Variants in SDHAF3 observed in about 807,000 individuals in gnomAD.
SDHAF3 encodes succinate dehydrogenase complex assembly factor 3.
In SDHAF3, 18 loss-of-function variants were observed where a neutral mutation model predicts 11.5. The observed-to-expected ratio is 1.56, with a 90% CI of 1.08 to 2.32. The LOEUF is 2.32. Ranked by LOEUF, SDHAF3 falls within the 30% of genes most tolerant of loss-of-function variation. The pLI is 0.00. For missense variants in SDHAF3, 200 were observed against 154.4 expected (o/e 1.30, Z -1.57); for synonymous variants, 72 against 59.3 (o/e 1.21, Z -0.99).
chr7:97,142,287 T>G (rs1016048331), intron 1 of SDHAF3, among the ~76,000 whole-genome samples: 31 of 151,986 alleles, frequency 2.0e-4, no homozygotes, highest in Non-Finnish European at 4.3e-4. Flanking sequence ...ACTCCTGACC[T>G]CGTGATCTGC....
intron 1 of SDHAF3, among the ~76,000 whole-genome samples, chr7:97,168,658 T>TCTAA (rs1267921962): frequency 5.9e-5 from 9 of 152,162 alleles, no homozygotes; most frequent in Non-Finnish European, 1.0e-4. Context: ...TGACACCTGC[T>TCTAA]CTAACTTCTT....
chr7:97,169,587 A>G (rs141238405), intron 1 of SDHAF3, among the ~76,000 whole-genome samples: 213 of 152,230 alleles, frequency 1.4e-3, no homozygotes, highest in African/African-American at 5.0e-3. Context: ...AACAGATTAC[A>G]TCAAAATAGA....
chr7:97,155,996 G>T (rs562969083), intron 1 of SDHAF3, among the ~76,000 whole-genome samples: 1 of 152,010 alleles, frequency 6.6e-6, no homozygotes, highest in African/African-American at 2.4e-5. Context: ...AGTATGGTAC[G>T]TGTGTCATAA....
chr7:97,180,886 C>T (rs957038728), intron 1 of SDHAF3, 126 bp from the exon 2 acceptor site: 1 of 745,778 alleles, frequency 1.3e-6, no homozygotes, highest in South Asian at 2.1e-5. Flanking sequence ...TTTATATCTC[C>T]TTAACCAAAT....
intron 1 of SDHAF3, among the ~76,000 whole-genome samples, chr7:97,165,357 C>CTTTTTTTTTTTTTTTTTTTTTTT (rs10653828): frequency 3.9e-5 from 3 of 77,024 alleles, no homozygotes; most frequent in Non-Finnish European, 7.1e-5. Context: ...ATTTTCCTAC[C>CTTTTTTTTTTTTTTTTTTTTTTT]TTTTTTTTTT....
At chr7:97,166,369 G>C (rs1789504606) in intron 1 of SDHAF3, among the ~76,000 whole-genome samples, 1 of 152,154 alleles carries the variant, frequency 6.6e-6, no homozygotes, top group Non-Finnish European at 1.5e-5. Flanking sequence ...AAATTGGGGA[G>C]GGTGGGAGTT....
chr7:97,146,079 G>C (rs1789129600), intron 1 of SDHAF3, among the ~76,000 whole-genome samples: 1 of 150,350 alleles, frequency 6.7e-6, no homozygotes, highest in Non-Finnish European at 1.5e-5. Flanking sequence ...TAAAAATAGA[G>C]ATTTGGAAAT....
intron 1 of SDHAF3, among the ~76,000 whole-genome samples, chr7:97,157,343 A>G (rs1475955354): frequency 6.6e-6 from 1 of 152,174 alleles, no homozygotes; most frequent in East Asian, 1.9e-4. Context: ...TGGGTTGTAT[A>G]TTGGAATTCC....
chr7:97,138,593 AGC>A (rs75973891), intron 1 of SDHAF3, among the ~76,000 whole-genome samples: 16,288 of 152,252 alleles, frequency 0.11, 876 homozygotes, highest in Middle Eastern at 0.16. Context: ...ATTAACATCT[AGC>A]CACTTACTCT....
At chr7:97,148,013 C>T (rs1385249543) in intron 1 of SDHAF3, among the ~76,000 whole-genome samples, 1 of 152,072 alleles carries the variant, frequency 6.6e-6, no homozygotes, top group African/African-American at 2.4e-5. Context: ...AAGCAATTCT[C>T]ATACCTCAGC....
chr7:97,171,582 A>G (rs10499935), intron 1 of SDHAF3, among the ~76,000 whole-genome samples: 4,996 of 152,160 alleles, frequency 0.033, 255 homozygotes, highest in African/African-American at 0.11. Context: ...GGGACATGTC[A>G]TATAGTTTGG....
At chr7:97,124,425 C>T (rs371062556) in intron 1 of SDHAF3, among the ~76,000 whole-genome samples, 7 of 152,054 alleles carry the variant, frequency 4.6e-5, no homozygotes, top group Non-Finnish European at 8.8e-5. Flanking sequence ...AGTCAGGTAG[C>T]GTGATGCCTT....
At chr7:97,135,212 A>G (rs1462845760) in intron 1 of SDHAF3, 1 of 152,118 alleles carries the variant, frequency 6.6e-6, no homozygotes, top group East Asian at 1.9e-4. Flanking sequence ...AGGGTACTCT[A>G]CATCATACCT....
intron 1 of SDHAF3, among the ~76,000 whole-genome samples, chr7:97,153,582 G>T (rs192115169): frequency 6.6e-6 from 1 of 152,216 alleles, no homozygotes; most frequent in Admixed American, 6.5e-5. Flanking sequence ...GCAATTGCTG[G>T]ATCATATGGT....
chr7:97,148,516 G>A (rs921308351), intron 1 of SDHAF3, among the ~76,000 whole-genome samples: 5 of 152,072 alleles, frequency 3.3e-5, no homozygotes, highest in Admixed American at 1.3e-4. Context: ...CAGCCTGGGC[G>A]AAAAAGCAAG....
At position 97,147,021 on chromosome 7, in the gene SDHAF3, G is replaced by A. The variant is rs187936310; in HGVS notation, c.174+29124G>A. ...CTTCCAAAGTGCTGGGATTACAGGC[G>A]TGAGCCACTGCGCCCGGCCAATAGG... is the stretch of plus-strand genomic sequence containing the variant. On this transcript the variant is annotated intron_variant, in intron 1 of 1. Transcript: ENST00000432641. Among the ~76,000 whole-genome samples the A allele has an allele frequency of 1.0e-3, 155 of 152,038 alleles. 1 individual carries two copies. Among genetic ancestry groups the A allele is most frequent in the African/African-American group, 3.1e-3 (130 of 41,372 alleles).
chr7:97,163,898 C>T (rs2115723590), intron 1 of SDHAF3, among the ~76,000 whole-genome samples: 1 of 152,058 alleles, frequency 6.6e-6, no homozygotes, highest in South Asian at 2.1e-4. Context: ...TTTTATTTCT[C>T]CTCCACTTAC....
Position 97,160,254 on chromosome 7 carries a change from G to A in SDHAF3, c.175-20758G>A, listed in dbSNP as rs376665502. 2.3e-3 allele frequency among the ~76,000 whole-genome samples: 318 copies of A among 140,722 alleles called. 4 individuals are homozygous for A. The highest frequency in any genetic ancestry group is 0.022 in the South Asian group (93 of 4,288). The allele number at this position is 140,722 out of a possible 152,430, so 92.3% of individuals were successfully genotyped here. A position where few individuals can be genotyped will look rare whatever the true frequency, so the allele number is the denominator to read the frequency against. On this transcript the variant is annotated intron_variant, in intron 1 of 1. Coordinates refer to ENST00000432641, the MANE Select transcript of SDHAF3 (RefSeq NM_020186.3). ...TGGGAAGTGAGGAGCGCCCCTGCCC[G>A]GCCGCCCTGTCTGGGAAGTGAGGAG...
At chr7:97,170,648 C>T (rs997336679) in intron 1 of SDHAF3, among the ~76,000 whole-genome samples, 4 of 152,216 alleles carry the variant, frequency 2.6e-5, no homozygotes, top group African/African-American at 7.2e-5. Flanking sequence ...CAAGAACTTT[C>T]TACGTTCTTG....
Sources: allele counts gnomAD v4.1 joint callset (sites outside exome capture counted in the v4.1 genomes callset), GRCh38; gene constraint gnomAD v4.1.1; transcripts MANE v1.5; gene names NCBI Gene and HGNC (gene_info 2026-07-23, HGNC 2026-07-21).